The following ATE1 variants were observed in gnomAD, a reference collection of about 807,000 sequenced individuals.
ATE1 encodes the protein arginyl-tRNA--protein transferase 1.
ATE1 carries 36 observed loss-of-function variants against 70.5 expected under a neutral mutation model. The observed-to-expected ratio is 0.51, with a 90% confidence interval of 0.39 to 0.67. The LOEUF is 0.67. Among genes scored for constraint, ATE1 ranks in the 30% least tolerant of loss-of-function variants. The probability of loss-of-function intolerance (pLI) is 0.00; values close to 1 mark genes in which losing one functional copy is unlikely to be tolerated. For synonymous variants in ATE1, 232 were observed against 219.3 expected, an observed-to-expected ratio of 1.06 and a Z score of -0.51; for missense variants, 593 against 629.5, an observed-to-expected ratio of 0.94 and a Z score of 0.62.
chr10:121,820,461 G>C (rs1456950991), intron 10 of ATE1, among the ~76,000 whole-genome samples: 1 of 152,168 alleles, frequency 6.6e-6, no homozygotes, highest in Non-Finnish European at 1.5e-5. Context: ...ACGTTTGATA[G>C]CACAATTATT....
chr10:121,848,212 C>G (rs971987684), intron 8 of ATE1, among the ~76,000 whole-genome samples: 5 of 152,158 alleles, frequency 3.3e-5, no homozygotes, highest in Non-Finnish European at 5.9e-5. Flanking sequence ...TTAGGCAGCT[C>G]TGAAATAAGT....
chr10:121,837,543 A>T (rs992431761), intron 9 of ATE1, among the ~76,000 whole-genome samples: 27 of 152,166 alleles, frequency 1.8e-4, no homozygotes, highest in Non-Finnish European at 3.5e-4. Flanking sequence ...GTATATTTCT[A>T]AAGTATGAGG....
chr10:121,839,504 T>C (rs1334595666), intron 9 of ATE1, among the ~76,000 whole-genome samples: 1 of 152,198 alleles, frequency 6.6e-6, no homozygotes, highest in African/African-American at 2.4e-5. Context: ...AAAGAAAATA[T>C]ATCTTTTCTG....
intron 9 of ATE1, among the ~76,000 whole-genome samples, chr10:121,839,642 C>T (rs1948555321): frequency 6.6e-6 from 1 of 152,010 alleles, no homozygotes; most frequent in Non-Finnish European, 1.5e-5. Flanking sequence ...CTACTTTATA[C>T]AAAAATGTGA....
intron 7 of ATE1, among the ~76,000 whole-genome samples, chr10:121,894,638 G>C (rs550161698): frequency 6.6e-6 from 1 of 152,028 alleles, no homozygotes. Context: ...GGGAGCTCAC[G>C]CCTGTAATCC....
chr10:121,851,563 G>A (rs1047817424), intron 8 of ATE1, among the ~76,000 whole-genome samples: 2 of 151,340 alleles, frequency 1.3e-5, no homozygotes, highest in African/African-American at 4.8e-5. Context: ...AAAAAGTCTA[G>A]GTCAGTTTTT....
chr10:121,852,255 C>A (rs549836687), intron 8 of ATE1, among the ~76,000 whole-genome samples: 2 of 152,296 alleles, frequency 1.3e-5, no homozygotes, highest in South Asian at 2.1e-4. Context: ...TGTACCTGTA[C>A]AATACAAAAA....
intron 11 of ATE1, among the ~76,000 whole-genome samples, chr10:121,769,291 A>G (rs1945404681): frequency 6.6e-6 from 1 of 152,238 alleles, no homozygotes; most frequent in Admixed American, 6.5e-5. Context: ...TAATTCATGA[A>G]GGAAGAGGAG....
intron 7 of ATE1, among the ~76,000 whole-genome samples, chr10:121,888,881 A>G (rs74328243): frequency 2.6e-5 from 4 of 152,222 alleles, no homozygotes; most frequent in African/African-American, 7.2e-5. Context: ...ACCACACTCA[A>G]AAGAGTAGGA....
intron 10 of ATE1, among the ~76,000 whole-genome samples, chr10:121,823,468 G>A (rs1241961534): frequency 6.6e-6 from 1 of 152,146 alleles, no homozygotes; most frequent in African/African-American, 2.4e-5. Flanking sequence ...AAAGCAGTTC[G>A]TACTTCTACA....
chr10:121,911,005 C>T lies in ATE1; in HGVS notation c.484G>A (p.Glu162Lys). ...ESEGKNSKKE[E>K]PQELLQSQDF... ...TGTGACTGAAGTAATTCCTGAGGTT[C>T]TTCTTTCTTTGAATTTTTTCCTTCA... The change falls in exon 5 of 12, where the codon GAA (glutamate) becomes AAA (lysine). Residue 162 changes from glutamate (E) to lysine (K), a missense_variant. This residue lies in a region of ATE1 where 467 missense variants were observed against 469.6 expected (regional missense o/e 0.99). Transcript: ENST00000224652. 6.2e-7 allele frequency: 1 copy of T among 1,613,948 alleles called. No individual in the cohort carries two copies. Among genetic ancestry groups the T allele is most frequent in the African/African-American group, 1.3e-5 (1 of 75,034 alleles).
At chr10:121,889,224 G>A (rs7077052) in intron 7 of ATE1, among the ~76,000 whole-genome samples, 68,333 of 151,756 alleles carry the variant, frequency 0.45, 16,081 homozygotes, top group South Asian at 0.53. Flanking sequence ...CTGTATATAC[G>A]TTATACTTCA....
At chr10:121,775,838 TCTGTCATTCAGCAAAGAA>T (rs1194864652) in intron 11 of ATE1, among the ~76,000 whole-genome samples, 1 of 151,096 alleles carries the variant, frequency 6.6e-6, no homozygotes, top group Non-Finnish European at 1.5e-5. Flanking sequence ...GATGCATCTA[TCTGTCATTCAGCAAAGAA>T]CTGTCTCTAG....
chr10:121,781,873 G>A (rs929152923), intron 11 of ATE1, among the ~76,000 whole-genome samples: 3 of 152,128 alleles, frequency 2.0e-5, no homozygotes, highest in African/African-American at 4.8e-5. Flanking sequence ...TATTTCAAAC[G>A]AATGCCAGCT....
intron 10 of ATE1, among the ~76,000 whole-genome samples, chr10:121,819,700 A>AAAAAAAAC (rs1238894893): frequency 6.7e-6 from 1 of 149,966 alleles, no homozygotes; most frequent in Non-Finnish European, 1.5e-5. Flanking sequence ...AAAAAAAAAA[A>AAAAAAAAC]AGACTACACA....
chr10:121,773,591 A>G (rs1405733083), intron 11 of ATE1, among the ~76,000 whole-genome samples: 1 of 152,150 alleles, frequency 6.6e-6, no homozygotes, highest in Non-Finnish European at 1.5e-5. Context: ...TTGGGCATTT[A>G]AAACAAACCT....
intron 11 of ATE1, among the ~76,000 whole-genome samples, chr10:121,780,086 C>T (rs1171017925): frequency 6.6e-6 from 1 of 152,154 alleles, no homozygotes; most frequent in African/African-American, 2.4e-5. Flanking sequence ...TGGACCATGT[C>T]TCCCAAATTA....
At chr10:121,814,079 A>G (rs1024096440) in intron 10 of ATE1, among the ~76,000 whole-genome samples, 28 of 152,228 alleles carry the variant, frequency 1.8e-4, no homozygotes, top group African/African-American at 6.8e-4. Context: ...CACAACAGAA[A>G]AAAATGGGAG....
intron 5 of ATE1, 51 bp downstream of exon 5, chr10:121,910,855 C>T (rs371817774): frequency 3.7e-6 from 6 of 1,610,620 alleles, no homozygotes; most frequent in Non-Finnish European, 3.4e-6. Context: ...TAAAATGACT[C>T]AGCAAAAAGC....
Sources: allele counts gnomAD v4.1 joint callset (sites outside exome capture counted in the v4.1 genomes callset), GRCh38; gene constraint gnomAD v4.1.1; regional missense constraint gnomAD v4.1.1; transcripts MANE v1.5; gene names NCBI Gene and HGNC (gene_info 2026-07-23, HGNC 2026-07-21).